POLR3B: variants seen among roughly 807,000 people sequenced by gnomAD.
POLR3B encodes the protein RNA polymerase III subunit B.
In POLR3B, 96 loss-of-function variants were observed where a neutral mutation model predicts 147.4. The observed-to-expected ratio is 0.65, with a 90% confidence interval of 0.55 to 0.77. POLR3B has a LOEUF of 0.77. POLR3B is among the 30% of genes least tolerant of loss of function. The pLI, the probability that POLR3B is intolerant of heterozygous loss-of-function variation, is 0.00. For missense variants in POLR3B, 1,036 were observed against 1,413.5 expected, an observed-to-expected ratio of 0.73 and a Z score of 4.28; for synonymous variants, 461 against 485.9, an observed-to-expected ratio of 0.95 and a Z score of 0.67.
At chr12:106,393,962 A>G (rs2136918306) in intron 10 of POLR3B, among the ~76,000 whole-genome samples, 1 of 152,288 alleles carries the variant, frequency 6.6e-6, no homozygotes, top group Non-Finnish European at 1.5e-5. Context: ...TCCCCACTAT[A>G]GAATCACAAC....
chr12:106,480,000 G>GTTT lies in POLR3B; in HGVS notation c.2714-16047_2714-16045dup, dbSNP rs36096330. The stretch of plus-strand genomic sequence containing the variant: ...GCTAATTTTTGTTTTTTGTTTTTGG[G>GTTT]TTTTTTTTTTGGCTTTTTTTATTAT... On this transcript the variant is annotated intron_variant, in intron 23 of 27. Transcript: ENST00000228347. 9.0e-3 allele frequency among the ~76,000 whole-genome samples: 1,308 copies of GTTT among 144,998 alleles called. 13 individuals carry two copies. The highest frequency in any genetic ancestry group is 0.027 in the African/African-American group (1,054 of 39,642).
intron 9 of POLR3B, among the ~76,000 whole-genome samples, chr12:106,392,372 C>T (rs540921043): frequency 2.6e-5 from 4 of 152,066 alleles, no homozygotes; most frequent in South Asian, 4.1e-4. Flanking sequence ...CACGTTGGCC[C>T]AGCTGGTCTT....
chr12:106,507,765 C>G (rs190769345), intron 27 of POLR3B: 1 of 455,820 alleles, frequency 2.2e-6, no homozygotes, highest in Non-Finnish European at 4.4e-6. Context: ...TGCATAGTTA[C>G]CACCACCACG....
chr12:106,416,662 G>A (rs969995666), intron 12 of POLR3B, among the ~76,000 whole-genome samples: 10 of 152,168 alleles, frequency 6.6e-5, no homozygotes, highest in African/African-American at 2.4e-4. Flanking sequence ...AGCCTTTCTG[G>A]TTGAGGTGGG....
intron 6 of POLR3B, among the ~76,000 whole-genome samples, chr12:106,371,537 C>T (rs1169624719): frequency 1.9e-4 from 29 of 151,700 alleles, no homozygotes; most frequent in South Asian, 4.2e-4. Context: ...TTGGAACCAA[C>T]CCAAATGTCC....
chr12:106,399,195 A>G (rs1315752136), intron 10 of POLR3B, among the ~76,000 whole-genome samples: 2 of 152,356 alleles, frequency 1.3e-5, no homozygotes, highest in East Asian at 3.9e-4. Context: ...CAGAAGCCTC[A>G]GTAGCCGATG....
intron 22 of POLR3B, among the ~76,000 whole-genome samples, chr12:106,461,242 C>T (rs1277060624): frequency 2.0e-5 from 3 of 152,024 alleles, no homozygotes; most frequent in Non-Finnish European, 4.4e-5. Flanking sequence ...TACAGGCACA[C>T]ACCACCACAC....
chr12:106,424,132 G>T (rs932341611), intron 12 of POLR3B, among the ~76,000 whole-genome samples: 3 of 152,034 alleles, frequency 2.0e-5, no homozygotes, highest in African/African-American at 7.3e-5. Flanking sequence ...GGGATTACAG[G>T]CGTGAGCCAC....
chr12:106,445,872 C>T (rs1182494555), intron 19 of POLR3B, among the ~76,000 whole-genome samples: 1 of 152,134 alleles, frequency 6.6e-6, no homozygotes, highest in African/African-American at 2.4e-5. Flanking sequence ...TTAAGAAACC[C>T]TATTTCTTCA....
chr12:106,434,930 C>A (rs1288429908), intron 16 of POLR3B, among the ~76,000 whole-genome samples: 1 of 152,134 alleles, frequency 6.6e-6, no homozygotes, highest in Non-Finnish European at 1.5e-5. Flanking sequence ...GTCAGTCAGA[C>A]CCCCTCATCA....
intron 6 of POLR3B, among the ~76,000 whole-genome samples, chr12:106,376,090 C>A (rs1042320930): frequency 6.6e-6 from 1 of 152,218 alleles, no homozygotes. Flanking sequence ...ATGTGATCCA[C>A]CCACCTTGGC....
chr12:106,366,059 C>T (rs752144325), intron 2 of POLR3B, among the ~76,000 whole-genome samples: 5 of 151,972 alleles, frequency 3.3e-5, no homozygotes, highest in African/African-American at 7.3e-5. Flanking sequence ...AAGGACCTGC[C>T]GGAGGCTCTT....
At chr12:106,416,356 T>A (rs1593029079) in intron 12 of POLR3B, among the ~76,000 whole-genome samples, 1 of 152,222 alleles carries the variant, frequency 6.6e-6, no homozygotes, top group Non-Finnish European at 1.5e-5. Context: ...AATACTTGTA[T>A]ATTCCCATTC....
chr12:106,441,854 G>A (rs2037655603), intron 18 of POLR3B, among the ~76,000 whole-genome samples: 1 of 152,172 alleles, frequency 6.6e-6, no homozygotes, highest in African/African-American at 2.4e-5. Context: ...GCCAAGGCAG[G>A]CAGATCACCT....
intron 12 of POLR3B, among the ~76,000 whole-genome samples, chr12:106,414,221 T>TAAAAAA (rs5800711): frequency 1.7e-5 from 2 of 121,106 alleles, no homozygotes; most frequent in Non-Finnish European, 3.3e-5. Flanking sequence ...GATACAAAAG[T>TAAAAAA]AAAAAAAAAA....
intron 6 of POLR3B, among the ~76,000 whole-genome samples, chr12:106,372,469 C>G (rs1025742085): frequency 6.6e-6 from 1 of 151,638 alleles, no homozygotes; most frequent in Non-Finnish European, 1.5e-5. Flanking sequence ...TCCCGAGTAG[C>G]TGGGATTACA....
intron 10 of POLR3B, among the ~76,000 whole-genome samples, chr12:106,401,006 A>G (rs1349815670): frequency 6.6e-6 from 1 of 152,224 alleles, no homozygotes; most frequent in Non-Finnish European, 1.5e-5. Flanking sequence ...AGAGACACAA[A>G]AAACCCTTCA....
intron 6 of POLR3B, among the ~76,000 whole-genome samples, chr12:106,375,233 C>T (rs1310141033): frequency 6.6e-6 from 1 of 152,152 alleles, no homozygotes; most frequent in Non-Finnish European, 1.5e-5. Context: ...TTTTGGTAGC[C>T]TCTCTTTTTT....
chr12:106,416,939 C>G (rs1273796061), intron 12 of POLR3B, among the ~76,000 whole-genome samples: 2 of 152,142 alleles, frequency 1.3e-5, no homozygotes, highest in Non-Finnish European at 2.9e-5. Flanking sequence ...TCCCTTTCAC[C>G]CTCTCTCTAA....
Sources: allele counts gnomAD v4.1 joint callset (sites outside exome capture counted in the v4.1 genomes callset), GRCh38; gene constraint gnomAD v4.1.1; transcripts MANE v1.5; gene names NCBI Gene and HGNC (gene_info 2026-07-23, HGNC 2026-07-21).